Variants in ATM observed in about 807,000 individuals in gnomAD.
ATM encodes ATM serine/threonine kinase.
In ATM, 308 loss-of-function variants were observed where a neutral mutation model predicts 387.0. That is an observed-to-expected ratio of 0.80 (90% CI 0.73 to 0.87). The LOEUF (loss-of-function observed/expected upper bound fraction) is 0.87. ATM is among the 40% of genes least tolerant of loss of function. The probability of loss-of-function intolerance (pLI) is 0.00; values close to 1 mark genes in which losing one functional copy is unlikely to be tolerated. For missense variants in ATM, 3,312 were observed against 3,560.9 expected, an observed-to-expected ratio of 0.93 and a Z score of 1.78; for synonymous variants, 1,156 against 1,187.3, an observed-to-expected ratio of 0.97 and a Z score of 0.54.
At chr11:108,239,180 G>A (rs2079439529) in intron 5 of ATM, among the ~76,000 whole-genome samples, 1 of 152,132 alleles carries the variant, frequency 6.6e-6, no homozygotes, top group South Asian at 2.1e-4. Flanking sequence ...ATGAAAAGAG[G>A]CCAGAGAGCT....
At chr11:108,307,530 T>C (rs1258456044) in intron 37 of ATM, among the ~76,000 whole-genome samples, 1 of 152,198 alleles carries the variant, frequency 6.6e-6, no homozygotes, top group South Asian at 2.1e-4. Context: ...ACTTTCCTAT[T>C]ATAACACTTA....
At chr11:108,347,653 G>A (rs759026135) in intron 59 of ATM, among the ~76,000 whole-genome samples, 4 of 152,054 alleles carry the variant, frequency 2.6e-5, no homozygotes, top group Admixed American at 1.3e-4. Flanking sequence ...AAGGAATCAG[G>A]GCTATTCCAC....
chr11:108,251,996 A>G lies in ATM; in HGVS notation c.1767A>G (p.Leu589=), dbSNP rs2135343677. Residue 589 remains leucine, a synonymous_variant, in exon 11 of 63, where the codon TTA becomes TTG. Coordinates refer to ENST00000675843, the MANE Select transcript of ATM (RefSeq NM_000051.4). ...WLLFYQLEGD[L]ENSTEVPPIL... ...TATTCTATCAGTTAGAGGGTGACTT[A>G]GAAAATAGCACAGAAGTGCCTCCAA... The G allele has an allele frequency of 6.2e-7, 1 of 1,613,376 alleles. No individual in the cohort carries two copies. Among genetic ancestry groups the G allele is most frequent in the Non-Finnish European group, 8.5e-7 (1 of 1,179,728 alleles).
rs2135691258 is a variant in ATM at position 108,282,879 on chromosome 11, G to C, written c.3746G>C (p.Arg1249Thr). 1 of 1,475,556 alleles carries C rather than the reference G, an allele frequency of 6.8e-7. No homozygotes were observed. The highest frequency in any genetic ancestry group is 9.4e-7 in the Non-Finnish European group (1 of 1,059,528). 91.4% of individuals were successfully genotyped at this position (1,475,556 alleles called of 1,614,324 possible). A position where few individuals can be genotyped will look rare whatever the true frequency, so the allele number is the denominator to read the frequency against. Residue 1249 changes from arginine to threonine, a missense_variant and splice_region_variant, in exon 25 of 63, where the codon AGA becomes ACA. Physicochemically the swap from Arg to Thr is moderately conservative, Grantham distance 71. Transcript: ENST00000675843. ...LNYTNIEDFYRSCYKVLIPHL... is the reference protein window; with the variant it reads ...LNYTNIEDFYTSCYKVLIPHL... ...TACACAAATATTGAGGATTTCTATA[G>C]GTAAGTTTATACATGACATATGTGA...
Position 108,365,731 on chromosome 11 carries a change from G to A in ATM, c.*223G>A, listed in dbSNP as rs536067082. On this transcript the variant is annotated 3_prime_UTR_variant, in exon 63 of 63. Transcript: ENST00000675843. Reference sequence around the variant, plus strand: ...CACTCTTTAGAAATAATGGTCATTCGGGCTGGGCGCAGCGGCTCACGCCTG... The same window carrying A: ...CACTCTTTAGAAATAATGGTCATTCAGGCTGGGCGCAGCGGCTCACGCCTG... 119 of 627,122 alleles carry A rather than the reference G, an allele frequency of 1.9e-4. No individual in the cohort carries two copies. The highest frequency in any genetic ancestry group is 4.6e-4 in the Middle Eastern group (1 of 2,182). 38.8% of individuals were successfully genotyped at this position (627,122 alleles called of 1,614,324 possible).
Position 108,301,628 on chromosome 11 carries a change from A to C in ATM, c.5178-20A>C. Reference sequence around the variant, plus strand: ...TTAATAACTGGTGTACTTGATAGGCATTTGAATTGTTTTTTTCAGTGTCAA... The same window carrying C: ...TTAATAACTGGTGTACTTGATAGGCCTTTGAATTGTTTTTTTCAGTGTCAA... On this transcript the variant is annotated intron_variant, in intron 34 of 62. Coordinates refer to ENST00000675843, the MANE Select transcript of ATM (RefSeq NM_000051.4). The C allele has an allele frequency of 6.2e-7, 1 of 1,613,228 alleles. No individual in the cohort carries two copies. Among genetic ancestry groups the C allele is most frequent in the Non-Finnish European group, 8.5e-7 (1 of 1,179,464 alleles).
chr11:108,297,054 T>C, intron 32 of ATM: 1 of 497,198 alleles, frequency 2.0e-6, no homozygotes, highest in African/African-American at 1.9e-5. Flanking sequence ...ACAATTTGTT[T>C]AAGACATTTT....
At chr11:108,342,125 ATTAGTG>A (rs1251050888) in intron 56 of ATM, among the ~76,000 whole-genome samples, 1 of 151,956 alleles carries the variant, frequency 6.6e-6, no homozygotes, top group East Asian at 1.9e-4. Context: ...ATCAGCAATC[ATTAGTG>A]TTAGTGTATT....
In ATM at chr11:108,353,746, C is replaced by A. The variant is rs777009954; in HGVS notation, c.8672-20C>A. On this transcript the variant is annotated intron_variant, in intron 59 of 62. Coordinates refer to ENST00000675843, the MANE Select transcript of ATM (RefSeq NM_000051.4). ...AATTAGCTGTCAAACCTCCTAACTT[C>A]ACTGTATTCTTTACTTTAGGTGTTG... is the stretch of plus-strand genomic sequence containing the variant. 1 of 1,563,930 alleles carries A rather than the reference C, an allele frequency of 6.4e-7. No homozygotes were observed.
Position 108,297,294 on chromosome 11 carries a change from G to A in ATM, c.4917G>A (p.Pro1639=), listed in dbSNP as rs140425622. ...TTAAAAAATTATTTCTAGATAATCCGCAAGATGGGATTATGGTGAAACTAG... is the reference window on the plus strand; with the variant it reads ...TTAAAAAATTATTTCTAGATAATCCACAAGATGGGATTATGGTGAAACTAG... ...VDIMRASQDN[P]QDGIMVKLVV... is the part of the protein sequence containing the mutation. The change falls in exon 33 of 63, where the codon CCG becomes CCA. Residue 1639 remains proline (P), a synonymous_variant. Transcript: ENST00000675843. 26 of 1,613,228 alleles carry A rather than the reference G, an allele frequency of 1.6e-5. No homozygotes were observed. The highest frequency in any genetic ancestry group is 2.7e-5 in the African/African-American group (2 of 74,882).
intron 22 of ATM, among the ~76,000 whole-genome samples, chr11:108,276,183 T>G (rs991720573): frequency 6.6e-6 from 1 of 152,210 alleles, no homozygotes; most frequent in Non-Finnish European, 1.5e-5. Context: ...TTCACGATGT[T>G]CTCATCCTGC....
intron 1 of ATM, chr11:108,226,424 A>G (rs1444090672): frequency 6.6e-6 from 1 of 152,188 alleles, no homozygotes; most frequent in Non-Finnish European, 1.5e-5. Context: ...GAAGCCCCCA[A>G]AAGAAGAGAG....
chr11:108,243,955 T>C lies in ATM; in HGVS notation c.499T>C (p.Leu167=), dbSNP rs2135221733. The C allele has an allele frequency of 6.4e-7, 1 of 1,561,648 alleles. No homozygotes were observed. Among genetic ancestry groups the C allele is most frequent in the Admixed American group, 1.9e-5 (1 of 52,374 alleles). ...AATAATTTTTTTTTTTTTTTAAGAA[T>C]TGTTCTCTGTGTACTTCAGGCTCTA... The part of the protein sequence containing the change: ...CEISQQQWLE[L]FSVYFRLYLK... Residue 167 remains leucine (L), a splice_region_variant and synonymous_variant, in exon 6 of 63, where the codon TTG becomes CTG. Transcript: ENST00000675843.
chr11:108,229,147 G>A, intron 3 of ATM, 31 bp from the exon 4 acceptor site: 1 of 1,595,766 alleles, frequency 6.3e-7, no homozygotes, highest in Non-Finnish European at 8.6e-7. Context: ...TATTCAACGA[G>A]TTTCTGAAAT....
At chr11:108,303,076 T>TTA in intron 36 of ATM, 47 bp downstream of exon 36, 1 of 1,542,894 alleles carries the variant, frequency 6.5e-7, no homozygotes, top group Non-Finnish European at 8.9e-7. Context: ...TATGACCTGT[T>TTA]TATCTAAAGA....
At chr11:108,337,110 C>T (rs2086938915) in intron 56 of ATM, among the ~76,000 whole-genome samples, 2 of 152,018 alleles carry the variant, frequency 1.3e-5, no homozygotes, top group African/African-American at 2.4e-5. Context: ...TTAGATCTAC[C>T]CTCCAAAATG....
At chr11:108,275,705 C>T (rs1246812593) in intron 22 of ATM, among the ~76,000 whole-genome samples, 1 of 152,230 alleles carries the variant, frequency 6.6e-6, no homozygotes, top group East Asian at 1.9e-4. Flanking sequence ...TCTCTTCTGG[C>T]TTGTAAGGTT....
Position 108,276,591 on chromosome 11 carries a change from T to A in ATM, c.3285-2900T>A, listed in dbSNP as rs146354552. Among the ~76,000 whole-genome samples, 1,391 of 152,274 alleles carry A rather than the reference T, an allele frequency of 9.1e-3. 23 individuals are homozygous for A. Among genetic ancestry groups the A allele is most frequent in the African/African-American group, 0.031 (1,291 of 41,546 alleles). On this transcript the variant is annotated intron_variant, in intron 22 of 62. Coordinates refer to ENST00000675843, the MANE Select transcript of ATM (RefSeq NM_000051.4). ...GATGTTGATGCTATTCCTTTTTGTT[T>A]GTTAGTTTTCCTTTTTACAGTCAGG...
intron 42 of ATM, among the ~76,000 whole-genome samples, chr11:108,317,141 G>T (rs1223260862): frequency 1.3e-5 from 2 of 150,654 alleles, no homozygotes; most frequent in African/African-American, 4.9e-5. Flanking sequence ...GTCTTGGTTT[G>T]TTGTCCAGGC....
Sources: allele counts gnomAD v4.1 joint callset (sites outside exome capture counted in the v4.1 genomes callset), GRCh38; gene constraint gnomAD v4.1.1; transcripts MANE v1.5; gene names NCBI Gene and HGNC (gene_info 2026-07-23, HGNC 2026-07-21).